The following KLHL3 variants were observed in gnomAD, a reference collection of about 807,000 sequenced individuals.
KLHL3 encodes kelch-like protein 3.
KLHL3 carries 19 observed loss-of-function variants against 70.5 expected under a neutral mutation model. That is an observed-to-expected ratio of 0.27 (90% CI 0.19 to 0.40). The LOEUF (loss-of-function observed/expected upper bound fraction) is 0.40. KLHL3 is among the 10% of genes least tolerant of loss of function. The probability of loss-of-function intolerance (pLI) is 1.00; values close to 1 mark genes in which losing one functional copy is unlikely to be tolerated. For missense variants in KLHL3, 512 were observed against 771.1 expected (o/e 0.66, Z 3.98); for synonymous variants, 258 against 290.3 (o/e 0.89, Z 1.13).
chr5:137,674,797 C>T (rs980597384), intron 6 of KLHL3, among the ~76,000 whole-genome samples: 4 of 152,176 alleles, frequency 2.6e-5, no homozygotes, highest in Non-Finnish European at 5.9e-5. Flanking sequence ...GGTTATTATG[C>T]ATGCAAGAGA....
In KLHL3 at chr5:137,713,229, C is replaced by T. The variant is rs571371421; in HGVS notation, c.135-3373G>A. 2.0e-5 allele frequency among the ~76,000 whole-genome samples: 3 copies of T among 151,242 alleles called. No individual in the cohort carries two copies. In the South Asian group the frequency reaches 6.3e-4, roughly 32 times the overall value. On this transcript the variant is annotated intron_variant, in intron 2 of 14. Transcript: ENST00000309755. Reference sequence around the variant, plus strand: ...CCTATAATCCTAGATGCTCAGGAGGCTGCAGCAGGAGGATTGCTTGAGCCC... The same window carrying T: ...CCTATAATCCTAGATGCTCAGGAGGTTGCAGCAGGAGGATTGCTTGAGCCC...
At chr5:137,648,973 T>C (rs1264267283) in intron 8 of KLHL3, among the ~76,000 whole-genome samples, 1 of 152,220 alleles carries the variant, frequency 6.6e-6, no homozygotes, top group Non-Finnish European at 1.5e-5. Context: ...TATCTTACTT[T>C]CTCAGAGAGA....
At chr5:137,706,040 A>T in intron 3 of KLHL3, 3 of 985,418 alleles carry the variant, frequency 3.0e-6, no homozygotes, top group Non-Finnish European at 3.6e-6. Flanking sequence ...TCTGATGGGC[A>T]CTCAGACTTC....
chr5:137,619,943 G>C lies in KLHL3; in HGVS notation c.*2155C>G, dbSNP rs1248858913. The C allele has an allele frequency of 6.6e-6, 1 of 152,208 alleles. No homozygotes were observed. The highest frequency in any genetic ancestry group is 1.5e-5 in the Non-Finnish European group (1 of 68,058). 9.4% of individuals were successfully genotyped at this position (152,208 alleles called of 1,614,324 possible). On this transcript the variant is annotated 3_prime_UTR_variant, in exon 15 of 15. Transcript: ENST00000309755. ...GGGAATTCACCTATCATCTGAAATT[G>C]AGAGCTTCTGTGAATGGCATACATC...
In KLHL3 at chr5:137,637,365, T is replaced by C. The variant is rs1473415305; in HGVS notation, c.1250A>G (p.Lys417Arg). The change falls in exon 11 of 15, where the codon AAG (lysine) becomes AGG (arginine). Residue 417 changes from lysine to arginine, a missense_variant. Physicochemically the swap from Lys to Arg is conservative, Grantham distance 26. Transcript: ENST00000309755. ...GLASVEAYSY[K>R]TNEWFFVAPM... ...GGCCACAAAGAACCACTCGTTGGTC[T>C]TGTAGCTGTAGGCTTCCACCGATGC... The C allele has an allele frequency of 6.2e-7, 1 of 1,614,020 alleles. No homozygotes were observed. Among genetic ancestry groups the C allele is most frequent in the East Asian group, 2.2e-5 (1 of 44,882 alleles).
chr5:137,661,761 C>A, intron 7 of KLHL3, 154 bp downstream of exon 7: 1 of 568,934 alleles, frequency 1.8e-6, no homozygotes, highest in South Asian at 2.6e-5. Flanking sequence ...TTAAACTTTA[C>A]AACACCTAAC....
intron 4 of KLHL3, among the ~76,000 whole-genome samples, chr5:137,695,846 T>C (rs1298170580): frequency 5.3e-5 from 8 of 152,336 alleles, no homozygotes; most frequent in Non-Finnish European, 4.4e-5. Context: ...AAGGCAGTAC[T>C]GCCTGGTCCC....
intron 12 of KLHL3, among the ~76,000 whole-genome samples, chr5:137,633,360 G>A (rs1368399759): frequency 6.7e-6 from 1 of 148,810 alleles, no homozygotes; most frequent in Non-Finnish European, 1.5e-5. Context: ...CTTATACACT[G>A]TTGTGGAAAT....
chr5:137,719,753 G>T (rs1013828092), intron 2 of KLHL3, among the ~76,000 whole-genome samples: 3 of 152,204 alleles, frequency 2.0e-5, no homozygotes, highest in Non-Finnish European at 4.4e-5. Flanking sequence ...GTTCAGACCA[G>T]TGAAAGAGAG....
Position 137,661,957 on chromosome 5 carries a change from T to A in KLHL3, c.711A>T (p.Glu237Asp). The stretch of plus-strand genomic sequence containing the variant: ...TAGGTAAGAGAGGAAGTCGGACATG[T>A]TCCATCAGCTTTGCCATGTGCTCTA... ...TRLEHMAKLMEHVRLPLLPRD... is the reference protein window; with the variant it reads ...TRLEHMAKLMDHVRLPLLPRD... Residue 237 changes from glutamate to aspartate, a missense_variant, in exon 7 of 15, where the codon GAA (glutamate) becomes GAT (aspartate). By Grantham distance (45) the Glu-to-Asp change is conservative. Transcript: ENST00000309755. 1 of 1,613,074 alleles carries A rather than the reference T, an allele frequency of 6.2e-7. No individual in the cohort carries two copies. Among genetic ancestry groups the A allele is most frequent in the Non-Finnish European group, 8.5e-7 (1 of 1,179,120 alleles).
chr5:137,674,284 C>T (rs1227156546), intron 6 of KLHL3, among the ~76,000 whole-genome samples: 1 of 152,140 alleles, frequency 6.6e-6, no homozygotes, highest in Admixed American at 6.5e-5. Context: ...ACCACTCCAG[C>T]AGCGACAAGC....
At chr5:137,624,355 C>A (rs1750401184) in intron 14 of KLHL3, among the ~76,000 whole-genome samples, 1 of 152,140 alleles carries the variant, frequency 6.6e-6, no homozygotes, top group African/African-American at 2.4e-5. Flanking sequence ...TTAACTCTTC[C>A]CCTCTCATTA....
intron 8 of KLHL3, chr5:137,647,489 G>C: frequency 2.1e-6 from 1 of 469,208 alleles, no homozygotes; most frequent in Middle Eastern, 3.3e-4. Flanking sequence ...AACAATCTGG[G>C]CTCTACACAC....
intron 13 of KLHL3, among the ~76,000 whole-genome samples, chr5:137,626,650 C>T (rs139497456): frequency 1.2e-3 from 175 of 152,116 alleles, no homozygotes; most frequent in African/African-American, 3.8e-3. Context: ...ACTGGTGAGA[C>T]GAAAAAATGG....
At position 137,658,143 on chromosome 5, in the gene KLHL3, G is replaced by C; in HGVS notation, c.891C>G (p.Val297=). The change falls in exon 8 of 15, where the codon GTC becomes GTG. Residue 297 remains valine, a synonymous_variant. Transcript: ENST00000309755. ...KNPRTKPRTP[V]SLPKVMIVVG... ...GGCTGGGGCTTACCTTGGGAAGGCT[G>C]ACTGGAGTCCTGGGCTTGGTCCTTG... is the stretch of plus-strand genomic sequence containing the variant. The C allele has an allele frequency of 6.2e-7, 1 of 1,613,046 alleles. No individual in the cohort carries two copies. Among genetic ancestry groups the C allele is most frequent in the Non-Finnish European group, 8.5e-7 (1 of 1,179,816 alleles).
intron 4 of KLHL3, among the ~76,000 whole-genome samples, chr5:137,697,002 C>T (rs961728171): frequency 2.6e-5 from 4 of 152,114 alleles, no homozygotes; most frequent in African/African-American, 9.7e-5. Context: ...GTTTCTAAGG[C>T]TTTCAGGAAA....
intron 1 of KLHL3, among the ~76,000 whole-genome samples, chr5:137,725,673 C>T (rs1036867325): frequency 1.1e-4 from 17 of 152,214 alleles, no homozygotes; most frequent in African/African-American, 4.1e-4. Flanking sequence ...TCTAAATAAA[C>T]TCTAGCAGAA....
At chr5:137,723,834 T>A (rs758073071) in intron 1 of KLHL3, among the ~76,000 whole-genome samples, 1 of 152,242 alleles carries the variant, frequency 6.6e-6, no homozygotes, top group Non-Finnish European at 1.5e-5. Flanking sequence ...TCCCCCATTA[T>A]GTATGTTTGT....
intron 6 of KLHL3, among the ~76,000 whole-genome samples, chr5:137,669,806 G>A (rs187812408): frequency 3.3e-5 from 5 of 152,280 alleles, no homozygotes; most frequent in South Asian, 4.1e-4. Flanking sequence ...TGAGCCATAC[G>A]CAAAAGCAAG....
Sources: allele counts gnomAD v4.1 joint callset (sites outside exome capture counted in the v4.1 genomes callset), GRCh38; gene constraint gnomAD v4.1.1; transcripts MANE v1.5; gene names NCBI Gene and HGNC (gene_info 2026-07-23, HGNC 2026-07-21).